Variants in ARHGEF26 observed in about 807,000 individuals in gnomAD.
ARHGEF26 encodes Rho guanine nucleotide exchange factor 26.
In ARHGEF26, 59 loss-of-function variants were observed where a neutral mutation model predicts 89.4. That is an observed-to-expected ratio of 0.66 (90% CI 0.54 to 0.82). The LOEUF (loss-of-function observed/expected upper bound fraction) is 0.82, where lower values mean the gene tolerates loss of function less well. ARHGEF26 is among the 40% of genes least tolerant of loss of function. The probability of loss-of-function intolerance (pLI) is 0.00; values close to 1 mark genes in which losing one functional copy is unlikely to be tolerated. For missense variants in ARHGEF26, 1,234 were observed against 1,085.6 expected (o/e 1.14, Z -1.92); for synonymous variants, 500 against 428.4 (o/e 1.17, Z -2.06).
At chr3:154,130,083 G>C (rs1451802443) in intron 4 of ARHGEF26, among the ~76,000 whole-genome samples, 1 of 150,004 alleles carries the variant, frequency 6.7e-6, no homozygotes, top group Non-Finnish European at 1.5e-5. Flanking sequence ...ATATGTACAT[G>C]TATGTATGTA....
intron 9 of ARHGEF26, among the ~76,000 whole-genome samples, chr3:154,202,104 C>T (rs1265074644): frequency 6.6e-6 from 1 of 152,022 alleles, no homozygotes; most frequent in East Asian, 1.9e-4. Flanking sequence ...AATGGTATTG[C>T]CTAGGTTTTC....
chr3:154,122,189 C>A lies in ARHGEF26; in HGVS notation c.197C>A (p.Ala66Asp). 6.2e-7 allele frequency: 1 copy of A among 1,601,254 alleles called. No homozygotes were observed. ...GGTLLAAQIPAQVPTASDSRT... is the reference protein window; with the variant it reads ...GGTLLAAQIPDQVPTASDSRT... ...ACGCTCCTCGCAGCGCAGATTCCCG[C>A]CCAGGTGCCCACCGCCTCGGACAGC... Residue 66 changes from alanine (A) to aspartate (D), a missense_variant, in exon 2 of 15, where the codon GCC (alanine) becomes GAC (aspartate). Coordinates refer to ENST00000465093, the MANE Select transcript of ARHGEF26 (RefSeq NM_015595.4).
intron 4 of ARHGEF26, among the ~76,000 whole-genome samples, chr3:154,144,658 T>C (rs1332164905): frequency 1.3e-5 from 2 of 152,230 alleles, no homozygotes; most frequent in African/African-American, 2.4e-5. Context: ...TGGCTCTGTC[T>C]GTAGATGGTG....
intron 6 of ARHGEF26, among the ~76,000 whole-genome samples, chr3:154,185,578 T>TC: frequency 6.6e-6 from 1 of 152,258 alleles, no homozygotes; most frequent in South Asian, 2.1e-4. Context: ...CTAGTCCCTC[T>TC]CAGGGCCTGC....
intron 10 of ARHGEF26, among the ~76,000 whole-genome samples, chr3:154,218,696 TG>T (rs1715931589): frequency 6.6e-6 from 1 of 152,260 alleles, no homozygotes. Flanking sequence ...CAAATTATAG[TG>T]ATCAGCATTT....
intron 6 of ARHGEF26, among the ~76,000 whole-genome samples, chr3:154,184,313 A>G (rs1713381626): frequency 6.6e-6 from 1 of 152,334 alleles, no homozygotes; most frequent in Non-Finnish European, 1.5e-5. Context: ...TTTGCATTAC[A>G]AAACAGTTGG....
intron 6 of ARHGEF26, among the ~76,000 whole-genome samples, chr3:154,168,017 G>C (rs1712152371): frequency 6.6e-6 from 1 of 152,172 alleles, no homozygotes; most frequent in Admixed American, 6.5e-5. Context: ...CTCACCTGCT[G>C]TTAATTTATT....
At chr3:154,208,227 G>A (rs1344502172) in intron 9 of ARHGEF26, among the ~76,000 whole-genome samples, 1 of 151,996 alleles carries the variant, frequency 6.6e-6, no homozygotes, top group African/African-American at 2.4e-5. Context: ...CTGCATATTG[G>A]GCATACATAC....
At chr3:154,188,992 T>C (rs1378447301) in intron 7 of ARHGEF26, among the ~76,000 whole-genome samples, 3 of 152,104 alleles carry the variant, frequency 2.0e-5, no homozygotes, top group East Asian at 3.9e-4. Context: ...TTCCATCTGC[T>C]AGATGCCAAA....
Position 154,161,029 on chromosome 3 carries a change from C to T in ARHGEF26, c.1487+8097C>T, listed in dbSNP as rs188539026. Among the ~76,000 whole-genome samples the T allele has an allele frequency of 4.7e-3, 714 of 151,672 alleles. 3 individuals are homozygous for T. Among genetic ancestry groups the T allele is most frequent in the Non-Finnish European group, 7.7e-3 (520 of 67,960 alleles). On this transcript the variant is annotated intron_variant, in intron 6 of 14. Coordinates refer to ENST00000465093, the MANE Select transcript of ARHGEF26 (RefSeq NM_015595.4). ...AAGAAGGGGACTGTTGTACAGGAAA[C>T]GAAGGTATAGTGGCAGTTGGCACCC...
chr3:154,187,974 A>G (rs1472832864), intron 7 of ARHGEF26, 137 bp downstream of exon 7: 1 of 890,190 alleles, frequency 1.1e-6, no homozygotes, highest in Non-Finnish European at 1.6e-6. Context: ...AGAAATGTTT[A>G]AGAGCATTAC....
rs571593306 is a variant in ARHGEF26, at chr3:154,217,144, C to T, written c.1846-725C>T. Among the ~76,000 whole-genome samples, 807 of 151,674 alleles carry T rather than the reference C, an allele frequency of 5.3e-3. 1 individual carries two copies. The highest frequency in any genetic ancestry group is 7.9e-3 in the Non-Finnish European group (539 of 67,868). On this transcript the variant is annotated intron_variant, in intron 9 of 14. Coordinates refer to ENST00000465093, the MANE Select transcript of ARHGEF26 (RefSeq NM_015595.4). ...CACAATGGTTGAACTAGTTTACAGT[C>T]CCACCAACAGTGTAAAAGTGTTCCT... is the stretch of plus-strand genomic sequence containing the variant.
chr3:154,220,452 A>G (rs558045052), intron 10 of ARHGEF26, among the ~76,000 whole-genome samples: 1 of 152,342 alleles, frequency 6.6e-6, no homozygotes, highest in East Asian at 1.9e-4. Flanking sequence ...GCAGTCTGGC[A>G]AGGCTTAATG....
intron 11 of ARHGEF26, among the ~76,000 whole-genome samples, chr3:154,228,804 C>A (rs761949677): frequency 6.6e-6 from 1 of 152,156 alleles, no homozygotes; most frequent in Non-Finnish European, 1.5e-5. Context: ...CTGAACAAGG[C>A]GATAATTTAG....
chr3:154,168,218 T>G (rs7628027), intron 6 of ARHGEF26, among the ~76,000 whole-genome samples: 11 of 152,194 alleles, frequency 7.2e-5, no homozygotes, highest in African/African-American at 1.4e-4. Context: ...TCAGGACTTC[T>G]GACCCATTTT....
intron 9 of ARHGEF26, among the ~76,000 whole-genome samples, chr3:154,213,099 A>G (rs763401471): frequency 3.9e-5 from 6 of 152,130 alleles, no homozygotes; most frequent in East Asian, 3.9e-4. Context: ...CAGAGTGTCT[A>G]TCTTACTGCA....
intron 6 of ARHGEF26, 114 bp from the exon 7 acceptor site, chr3:154,187,571 A>G: frequency 1.2e-6 from 1 of 800,454 alleles, no homozygotes; most frequent in Non-Finnish European, 1.9e-6. Context: ...TTTAGTTGGT[A>G]CTGTGTACTG....
intron 11 of ARHGEF26, among the ~76,000 whole-genome samples, chr3:154,228,022 G>A (rs1054732949): frequency 2.6e-5 from 4 of 152,076 alleles, no homozygotes; most frequent in African/African-American, 9.7e-5. Flanking sequence ...ACTTAGTAGC[G>A]TACTTTGCCC....
At chr3:154,247,917 T>G (rs1435687058) in intron 12 of ARHGEF26, among the ~76,000 whole-genome samples, 1 of 152,156 alleles carries the variant, frequency 6.6e-6, no homozygotes, top group Non-Finnish European at 1.5e-5. Flanking sequence ...AGGAAGAATG[T>G]TTTACCACTG....
Sources: gnomAD v4.1 joint callset for allele counts (sites outside exome capture counted in the v4.1 genomes callset) on GRCh38, gnomAD v4.1.1 for gene constraint, MANE v1.5 for transcripts, NCBI Gene and HGNC (gene_info 2026-07-23, HGNC 2026-07-21) for gene names.